The following RAB11FIP1 variants were observed in gnomAD, a reference collection of about 807,000 sequenced individuals.
The protein encoded by RAB11FIP1 is rab11 family-interacting protein 1.
A neutral mutation model predicts 83.1 loss-of-function variants in RAB11FIP1; 49 were observed. The ratio of observed to expected loss-of-function variants is 0.59; its 90% CI spans 0.47 to 0.75. RAB11FIP1 has a LOEUF of 0.75. Ranked by LOEUF, RAB11FIP1 falls within the 30% of genes least tolerant of loss-of-function variation. The pLI is 0.00. For missense variants in RAB11FIP1, 1,536 were observed against 1,598.7 expected, an observed-to-expected ratio of 0.96 and a Z score of 0.67; for synonymous variants, 670 against 656.0, an observed-to-expected ratio of 1.02 and a Z score of -0.33.
At chr8:37,879,017 G>A (rs111828714) in intron 1 of RAB11FIP1, among the ~76,000 whole-genome samples, 2,353 of 152,078 alleles carry the variant, frequency 0.015, 61 homozygotes, top group African/African-American at 0.053. Context: ...TTTTAAAAGA[G>A]TGAAATCAGG....
intron 1 of RAB11FIP1, among the ~76,000 whole-genome samples, chr8:37,896,935 A>G (rs1481742515): frequency 6.6e-6 from 1 of 152,206 alleles, no homozygotes; most frequent in Non-Finnish European, 1.5e-5. Context: ...AAATGTCCAC[A>G]TAAGAAACAG....
intron 2 of RAB11FIP1, among the ~76,000 whole-genome samples, chr8:37,876,032 T>C (rs1806598553): frequency 6.6e-6 from 1 of 151,594 alleles, no homozygotes; most frequent in African/African-American, 2.4e-5. Context: ...CCAACTCTAC[T>C]AAAAATACAA....
chr8:37,895,218 A>AACATATATATATATATAT (rs1807040443), intron 1 of RAB11FIP1, among the ~76,000 whole-genome samples: 2 of 13,704 alleles, frequency 1.5e-4, no homozygotes, highest in Non-Finnish European at 2.8e-4. Context: ...GGTGCCTGCC[A>AACATATATATATATATAT]ATATATATAT....
At chr8:37,895,228 T>TATATATATATATATATATATAG (rs1807041909) in intron 1 of RAB11FIP1, among the ~76,000 whole-genome samples, 1 of 5,154 alleles carries the variant, frequency 1.9e-4, no homozygotes, top group Non-Finnish European at 4.1e-4. Flanking sequence ...AATATATATA[T>TATATATATATATATATATATAG]ATATATATAT....
At chr8:37,864,555 G>A (rs901932834) in intron 5 of RAB11FIP1, among the ~76,000 whole-genome samples, 7 of 152,182 alleles carry the variant, frequency 4.6e-5, no homozygotes, top group African/African-American at 1.7e-4. Context: ...CCCCAGTTCA[G>A]TCAGTGACGC....
Position 37,860,151 on chromosome 8 carries a change from C to G in RAB11FIP1, c.*2744G>C, listed in dbSNP as rs1806207035. The G allele has an allele frequency of 6.5e-6, 1 of 152,802 alleles. No individual in the cohort carries two copies. The highest frequency in any genetic ancestry group is 6.5e-5 in the Admixed American group (1 of 15,274). The allele number at this position is 152,802 out of a possible 1,614,324, so 9.5% of individuals were successfully genotyped here. On this transcript the variant is annotated 3_prime_UTR_variant, in exon 6 of 6. Coordinates refer to ENST00000330843, the MANE Select transcript of RAB11FIP1 (RefSeq NM_001002814.3). Reference sequence around the variant, plus strand: ...CCTCTCATATGGACTGAGTCACACACCCCAGGTCCTAGCAGCAGACATCTC... The same window carrying G: ...CCTCTCATATGGACTGAGTCACACAGCCCAGGTCCTAGCAGCAGACATCTC...
intron 1 of RAB11FIP1, among the ~76,000 whole-genome samples, chr8:37,887,392 G>A (rs1374774403): frequency 6.6e-6 from 1 of 152,032 alleles, no homozygotes; most frequent in Non-Finnish European, 1.5e-5. Flanking sequence ...TGAGCCGGGT[G>A]TGGTGGTACA....
At chr8:37,880,332 TCTGTCCCCCAGG>T (rs945813057) in intron 1 of RAB11FIP1, among the ~76,000 whole-genome samples, 4 of 152,112 alleles carry the variant, frequency 2.6e-5, no homozygotes, top group Non-Finnish European at 5.9e-5. Flanking sequence ...AGAGTCTCGC[TCTGTCCCCCAGG>T]CTGGAGTGCA....
chr8:37,870,272 G>A (rs1305704552), intron 5 of RAB11FIP1, 148 bp downstream of exon 5: 4 of 506,322 alleles, frequency 7.9e-6, no homozygotes, highest in Non-Finnish European at 1.4e-5. Context: ...AATGTCTGGG[G>A]GCTTCCAAAG....
rs1411576046 is a variant in RAB11FIP1 at position 37,872,108 on chromosome 8, G to A, written c.2694C>T (p.Pro898=). 6.2e-7 allele frequency: 1 copy of A among 1,613,898 alleles called. No individual in the cohort carries two copies. The highest frequency in any genetic ancestry group is 1.3e-5 in the African/African-American group (1 of 74,904). The change falls in exon 4 of 6, where the codon CCC becomes CCT. Residue 898 remains proline, a synonymous_variant. Transcript: ENST00000330843. Reference sequence around the variant, plus strand: ...CTTTCGCTGAGCTTGCTTCACTCATGGGGACTTCGGAGAAACTCTCCTCCT... The same window carrying A: ...CTTTCGCTGAGCTTGCTTCACTCATAGGGACTTCGGAGAAACTCTCCTCCT... ...PSQEESFSEV[P]MSEASSAKDT...
At position 37,899,492 on chromosome 8, in the gene RAB11FIP1, C is replaced by T. The variant is rs1482154573; in HGVS notation, c.-51G>A. The T allele has an allele frequency of 2.7e-6, 4 of 1,479,704 alleles. No individual in the cohort carries two copies. Among genetic ancestry groups the T allele is most frequent in the Non-Finnish European group, 3.6e-6 (4 of 1,119,146 alleles). 91.7% of individuals were successfully genotyped at this position (1,479,704 alleles called of 1,614,324 possible). A position where few individuals can be genotyped will look rare whatever the true frequency, so the allele number is the denominator to read the frequency against. Reference sequence around the variant, plus strand: ...GGAGAAGATCGCCGCGACTGGCGGCCTCCACGGCCCGCCCCGGCGACCAGG... The same window carrying T: ...GGAGAAGATCGCCGCGACTGGCGGCTTCCACGGCCCGCCCCGGCGACCAGG... On this transcript the variant is annotated 5_prime_UTR_variant, in exon 1 of 6. Coordinates refer to ENST00000330843, the MANE Select transcript of RAB11FIP1 (RefSeq NM_001002814.3). This position sits in a 1 kb window ranked among gnomAD's most constrained non-coding sequence, Gnocchi z 4.5.
intron 2 of RAB11FIP1, among the ~76,000 whole-genome samples, chr8:37,875,893 G>A (rs1256068042): frequency 6.6e-6 from 1 of 152,130 alleles, no homozygotes; most frequent in Admixed American, 6.6e-5. Flanking sequence ...ATAGAGCCAG[G>A]AACTCTGGAA....
rs565772089 is a variant in RAB11FIP1, at chr8:37,859,855, C to T, written c.*3040G>A. On this transcript the variant is annotated 3_prime_UTR_variant, in exon 6 of 6. Coordinates refer to ENST00000330843, the MANE Select transcript of RAB11FIP1 (RefSeq NM_001002814.3). ...AGACATAGGCCATTTGTAGGATTCT[C>T]CAGTGCTCCAATTCACTAATGTCTC... 6.6e-6 allele frequency: 1 copy of T among 152,314 alleles called. No homozygotes were observed. The highest frequency in any genetic ancestry group is 1.9e-4 in the East Asian group (1 of 5,192). 9.4% of individuals were successfully genotyped at this position (152,314 alleles called of 1,614,324 possible).
rs751835877 is a variant in RAB11FIP1, at chr8:37,874,814, C to T, written c.1323G>A (p.Thr441=). 9.3e-6 allele frequency: 15 copies of T among 1,614,188 alleles called. No homozygotes were observed. Among genetic ancestry groups the T allele is most frequent in the Admixed American group, 6.7e-5 (4 of 60,030 alleles). The part of the protein sequence containing the change: ...SRRSSLLSLM[T]GKKDVAKGSE... ...TGCCCTTAGCCACATCCTTCTTCCC[C>T]GTCATCAGAGACAGCAAAGAGGACC... is the stretch of plus-strand genomic sequence containing the variant. The change falls in exon 3 of 6, where the codon ACG becomes ACA. Residue 441 remains threonine, a synonymous_variant. Transcript: ENST00000330843.
At chr8:37,897,947 C>A (rs1170926892) in intron 1 of RAB11FIP1, among the ~76,000 whole-genome samples, 1 of 152,206 alleles carries the variant, frequency 6.6e-6, no homozygotes, top group Admixed American at 6.5e-5. Flanking sequence ...AAAGGCGTTG[C>A]GCCCGGGGTT....
intron 1 of RAB11FIP1, among the ~76,000 whole-genome samples, chr8:37,891,013 G>A (rs1442972787): frequency 1.3e-5 from 2 of 152,118 alleles, no homozygotes; most frequent in African/African-American, 4.8e-5. Context: ...GAGCCCCTAC[G>A]CTGGGTAACA....
At chr8:37,869,732 C>T (rs112715880) in intron 5 of RAB11FIP1, among the ~76,000 whole-genome samples, 3 of 152,208 alleles carry the variant, frequency 2.0e-5, no homozygotes, top group Non-Finnish European at 4.4e-5. Flanking sequence ...CATACACCTG[C>T]GTGTGTATAT....
At chr8:37,897,641 G>A (rs960055788) in intron 1 of RAB11FIP1, among the ~76,000 whole-genome samples, 33 of 151,926 alleles carry the variant, frequency 2.2e-4, no homozygotes, top group African/African-American at 7.7e-4. Context: ...GGAGCTACAG[G>A]CGAGCAGACA....
rs778248038 is a variant in RAB11FIP1, at chr8:37,899,256, G to A, written c.186C>T (p.Gly62=). 10 of 1,603,410 alleles carry A rather than the reference G, an allele frequency of 6.2e-6. No homozygotes were observed. The Admixed American group carries it at 1.7e-4, about 27-fold the overall frequency. The change falls in exon 1 of 6, where the codon GGC becomes GGT. Residue 62 remains glycine (G), a synonymous_variant. Coordinates refer to ENST00000330843, the MANE Select transcript of RAB11FIP1 (RefSeq NM_001002814.3). This position sits in a 1 kb window ranked among gnomAD's most constrained non-coding sequence, Gnocchi z 4.5. ...TGGCCTCCTCGCGCCACACGGGCGC[G>A]CCCAGGCTGCGCTCCGACACGGAGG... ...YATSVSERSL[G]APVWREEATF... is the part of the protein sequence containing the mutation.
Sources: gnomAD v4.1 joint callset for allele counts (sites outside exome capture counted in the v4.1 genomes callset) on GRCh38, gnomAD v4.1.1 for gene constraint, Gnocchi (gnomAD v3.1) non-coding constraint, MANE v1.5 for transcripts, NCBI Gene and HGNC (gene_info 2026-07-23, HGNC 2026-07-21) for gene names.